AMOT: variants seen among roughly 807,000 people sequenced by gnomAD.
AMOT encodes the protein angiomotin.
A neutral mutation model predicts 67.0 loss-of-function variants in AMOT; 11 were observed. The observed-to-expected ratio is 0.16, with a 90% CI of 0.10 to 0.27. The LOEUF is 0.27. AMOT is among the 10% of genes least tolerant of loss of function. AMOT has a pLI of 1.00. For synonymous variants in AMOT, 326 were observed against 321.4 expected (o/e 1.01, Z -0.15); for missense variants, 753 against 852.0 (o/e 0.88, Z 1.45).
chrX:112,808,432 G>T (rs1228710966), intron 7 of AMOT, among the ~76,000 whole-genome samples: 1 of 111,279 alleles, frequency 9.0e-6, no homozygotes, highest in Non-Finnish European at 1.9e-5. Flanking sequence ...TTTTGAGAGG[G>T]CTTTCCTTTC....
chrX:112,835,697 C>T (rs1935115087), intron 1 of AMOT, among the ~76,000 whole-genome samples: 1 of 109,773 alleles, frequency 9.1e-6, no homozygotes, highest in African/African-American at 3.3e-5. Flanking sequence ...GCAATTTATT[C>T]CTCAGTTTCC....
intron 7 of AMOT, among the ~76,000 whole-genome samples, chrX:112,807,080 T>A (rs2147804777): frequency 9.0e-6 from 1 of 111,601 alleles, no homozygotes; most frequent in Non-Finnish European, 1.9e-5. Context: ...GCTTGCTTGT[T>A]TGTTTCCAGA....
In AMOT at chrX:112,776,926, T is replaced by C. The variant is rs907846843; in HGVS notation, c.*1641A>G. The C allele has an allele frequency of 9.0e-6, 1 of 111,459 alleles. No individual in the cohort carries two copies. Among genetic ancestry groups the C allele is most frequent in the African/African-American group, 3.3e-5 (1 of 30,596 alleles). 9.2% of individuals were successfully genotyped at this position (111,459 alleles called of 1,213,427 possible). ...GAGTTTCCCAAAATAAGCATGGTGA[T>C]TGGCATAATGGTTAGCTGTGTTGTA... is the stretch of plus-strand genomic sequence containing the variant. On this transcript the variant is annotated 3_prime_UTR_variant, in exon 14 of 14. Transcript: ENST00000371959.
chrX:112,832,535 G>C (rs2147833008), intron 1 of AMOT, among the ~76,000 whole-genome samples, 165 bp from the exon 2 acceptor site: 1 of 111,972 alleles, frequency 8.9e-6, no homozygotes, highest in South Asian at 3.8e-4. Flanking sequence ...CCTGCCCTGT[G>C]CTTGGTTCTA....
intron 7 of AMOT, among the ~76,000 whole-genome samples, chrX:112,806,345 C>T (rs762772146): frequency 1.4e-3 from 136 of 95,835 alleles, no homozygotes; most frequent in Middle Eastern, 0.01. Flanking sequence ...TGTATATATA[C>T]ATATGTATAA....
chrX:112,794,393 G>T (rs1933723360), intron 8 of AMOT, among the ~76,000 whole-genome samples: 1 of 111,783 alleles, frequency 8.9e-6, no homozygotes, highest in South Asian at 3.7e-4. Flanking sequence ...CCACTGGGAT[G>T]ATTTTCCACA....
At chrX:112,791,569 C>G (rs1268450333) in intron 9 of AMOT, among the ~76,000 whole-genome samples, 1 of 112,038 alleles carries the variant, frequency 8.9e-6, no homozygotes, top group Non-Finnish European at 1.9e-5. Flanking sequence ...CTTACAGCGT[C>G]TACTGTTCCT....
chrX:112,827,736 T>C (rs1032541531), intron 2 of AMOT, among the ~76,000 whole-genome samples: 9 of 111,705 alleles, frequency 8.1e-5, no homozygotes, highest in African/African-American at 2.9e-4. Context: ...CACATTAATG[T>C]TTCCCAAGAC....
chrX:112,787,071 T>C (rs1875998324), intron 10 of AMOT, among the ~76,000 whole-genome samples: 1 of 111,666 alleles, frequency 9.0e-6, no homozygotes. Context: ...TCCTGGACTC[T>C]TTAAGGCTAA....
chrX:112,784,527 C>A (rs1054078619), intron 10 of AMOT, among the ~76,000 whole-genome samples: 1 of 111,998 alleles, frequency 8.9e-6, no homozygotes, highest in Non-Finnish European at 1.9e-5. Context: ...TTCAAGGCTG[C>A]AGTCAGTTAC....
At chrX:112,792,068 G>C in intron 8 of AMOT, 87 bp from the exon 9 acceptor site, 1 of 1,075,354 alleles carries the variant, frequency 9.3e-7, no homozygotes, top group South Asian at 2.1e-5. Flanking sequence ...ATCCAGCCTT[G>C]TGTTTAGATC....
At chrX:112,814,640 G>C (rs964677153) in intron 5 of AMOT, among the ~76,000 whole-genome samples, 3 of 112,303 alleles carry the variant, frequency 2.7e-5, no homozygotes, top group South Asian at 3.7e-4. Flanking sequence ...AGTCCCAATG[G>C]GGGTGGGCAG....
At chrX:112,813,998 C>T (rs776574512) in intron 5 of AMOT, among the ~76,000 whole-genome samples, 2 of 112,049 alleles carry the variant, frequency 1.8e-5, no homozygotes, top group African/African-American at 3.2e-5. Context: ...GTTTGCCAGG[C>T]GCAGTGGCTC....
At position 112,780,661 on chromosome X, in the gene AMOT, C is replaced by T. The variant is rs930399254; in HGVS notation, c.2473+225G>A. The stretch of plus-strand genomic sequence containing the variant: ...CCCAAATGAAACTCAAGATTCTTGT[C>T]CTCTAAGCCTTGGCCTCAATCGGTA... On this transcript the variant is annotated intron_variant, in intron 12 of 13. Coordinates refer to ENST00000371959, the MANE Select transcript of AMOT (RefSeq NM_001113490.2). 1.4e-5 allele frequency: 6 copies of T among 415,850 alleles called. No individual in the cohort carries two copies. In the African/African-American group the frequency reaches 1.5e-4, roughly 10 times the overall value. The allele number at this position is 415,850 out of a possible 1,213,427, so 34.3% of individuals were successfully genotyped here.
In AMOT at chrX:112,779,628, C is replaced by T. The variant is rs767669114; in HGVS notation, c.2526G>A (p.Ser842=). The stretch of plus-strand genomic sequence containing the variant: ...GCAGGGGAGTCGAGGGTGGCACAGG[C>T]GAGGGTGTGGAAGGGACATATTCAG... ...YRAEYVPSTP[S]PVPPSTPLLS... Residue 842 remains serine (S), a synonymous_variant, in exon 13 of 14, where the codon TCG becomes TCA. Transcript: ENST00000371959. 7.5e-6 allele frequency: 9 copies of T among 1,208,014 alleles called. No homozygotes were observed. The highest frequency in any genetic ancestry group is 3.5e-5 in the African/African-American group (2 of 56,627).
intron 8 of AMOT, among the ~76,000 whole-genome samples, chrX:112,804,331 T>C (rs1482895202): frequency 9.0e-6 from 1 of 110,654 alleles, no homozygotes; most frequent in African/African-American, 3.3e-5. Flanking sequence ...CTGGGTCCCA[T>C]CCTGTCTCAG....
intron 8 of AMOT, among the ~76,000 whole-genome samples, chrX:112,802,764 C>T (rs1035445830): frequency 8.9e-6 from 1 of 111,836 alleles, no homozygotes; most frequent in Non-Finnish European, 1.9e-5. Flanking sequence ...TGGGGAGGGC[C>T]CCTGGAAAAC....
chrX:112,820,955 GA>G (rs374832239), intron 4 of AMOT, among the ~76,000 whole-genome samples: 4,744 of 93,065 alleles, frequency 0.051, 273 homozygotes, highest in African/African-American at 0.17. Context: ...GGTTAAGAGG[GA>G]AAAAAAAAAA....
chrX:112,837,849 T>A (rs1935168612), intron 1 of AMOT, among the ~76,000 whole-genome samples: 1 of 111,727 alleles, frequency 9.0e-6, no homozygotes, highest in Admixed American at 9.5e-5. Context: ...GCTAATTAAC[T>A]TGTCAAGCAG....
Sources: allele counts gnomAD v4.1 joint callset (sites outside exome capture counted in the v4.1 genomes callset), GRCh38; gene constraint gnomAD v4.1.1; transcripts MANE v1.5; gene names NCBI Gene and HGNC (gene_info 2026-07-23, HGNC 2026-07-21).